ZNF536: variants seen among roughly 807,000 people sequenced by gnomAD.
ZNF536 encodes zinc finger protein 536.
ZNF536 carries 13 observed loss-of-function variants against 84.5 expected under a neutral mutation model. The ratio of observed to expected loss-of-function variants is 0.15; its 90% CI spans 0.10 to 0.24. The LOEUF is 0.24. Ranked by LOEUF, ZNF536 falls within the 10% of genes least tolerant of loss-of-function variation. The pLI, the probability that ZNF536 is intolerant of heterozygous loss-of-function variation, is 1.00. For missense variants in ZNF536, 1,536 were observed against 1,747.5 expected (o/e 0.88, Z 2.16); for synonymous variants, 811 against 742.5 (o/e 1.09, Z -1.50).
chr19:30,641,457 T>G (rs189177165), intron 1 of ZNF536, among the ~76,000 whole-genome samples: 1 of 152,212 alleles, frequency 6.6e-6, no homozygotes, highest in African/African-American at 2.4e-5. Context: ...AGTATGAAAT[T>G]TTTTCTCATG....
chr19:30,543,937 C>T (rs1385004987), intron 3 of ZNF536, among the ~76,000 whole-genome samples: 2 of 152,286 alleles, frequency 1.3e-5, no homozygotes, highest in South Asian at 4.1e-4. Flanking sequence ...ATGCCCTGGC[C>T]GGGGCTCACT....
intron 1 of ZNF536, among the ~76,000 whole-genome samples, chr19:30,413,190 G>A (rs914096493): frequency 2.0e-5 from 3 of 152,168 alleles, no homozygotes; most frequent in Non-Finnish European, 4.4e-5. Flanking sequence ...CCTTTTGGGG[G>A]AAAGGGTGTG....
At chr19:30,615,639 C>T (rs1446710213) in intron 1 of ZNF536, among the ~76,000 whole-genome samples, 3 of 151,574 alleles carry the variant, frequency 2.0e-5, no homozygotes. Context: ...ATTATATTCC[C>T]CAGAAAATGC....
At chr19:30,709,471 A>T (rs890536790) in intron 1 of ZNF536, among the ~76,000 whole-genome samples, 1 of 152,128 alleles carries the variant, frequency 6.6e-6, no homozygotes, top group Non-Finnish European at 1.5e-5. Context: ...GCTCAACAAT[A>T]AAGAGTCAAC....
rs1371122429 is a variant in ZNF536 at position 30,301,940 on chromosome 19, T to C, written c.-120+17799T>C. On this transcript the variant is annotated intron_variant, in intron 2 of 5. Coordinates refer to the ZNF536 transcript ENST00000585628. The stretch of plus-strand genomic sequence containing the variant: ...TAGAATCTGCCCCACCTCTGCACAC[T>C]GAGGAGGGAGGTGTGTAGAGGCCTC... Among the ~76,000 whole-genome samples the C allele has an allele frequency of 1.3e-5, 2 of 151,966 alleles. 1 individual carries two copies. The highest frequency in any genetic ancestry group is 4.2e-4 in the South Asian group (2 of 4,800).
chr19:30,471,007 G>GTCCTT (rs1568463814), intron 2 of ZNF536, among the ~76,000 whole-genome samples: 1 of 144,628 alleles, frequency 6.9e-6, no homozygotes, highest in African/African-American at 2.6e-5. Flanking sequence ...TTTTTTTAGA[G>GTCCTT]ATTGGGTCTC....
At chr19:30,383,388 G>C (rs561741368) in intron 1 of ZNF536, among the ~76,000 whole-genome samples, 9 of 152,292 alleles carry the variant, frequency 5.9e-5, no homozygotes, top group African/African-American at 2.2e-4. Flanking sequence ...CCTTGCTAAG[G>C]TCTGGGGTCT....
chr19:30,290,135 T>A (rs1737061545), intron 2 of ZNF536, among the ~76,000 whole-genome samples: 1 of 152,244 alleles, frequency 6.6e-6, no homozygotes, highest in African/African-American at 2.4e-5. Flanking sequence ...ATTTAACATT[T>A]TATGACTGGC....
intron 2 of ZNF536, among the ~76,000 whole-genome samples, chr19:30,481,046 G>C (rs138047913): frequency 6.6e-6 from 1 of 151,368 alleles, no homozygotes; most frequent in Non-Finnish European, 1.5e-5. Context: ...AAAAAAAAAG[G>C]GTGGGTTGGG....
intron 2 of ZNF536, among the ~76,000 whole-genome samples, chr19:30,491,413 T>A (rs2054504321): frequency 6.6e-6 from 1 of 152,146 alleles, no homozygotes; most frequent in Non-Finnish European, 1.5e-5. Flanking sequence ...GTGTGTGTTG[T>A]GGGGAGTTCC....
intron 2 of ZNF536, among the ~76,000 whole-genome samples, chr19:30,316,324 G>T (rs7256185): frequency 2.9e-4 from 44 of 152,348 alleles, no homozygotes; most frequent in African/African-American, 5.8e-4. Flanking sequence ...CCAGTATGAA[G>T]GAGGAAGGCT....
rs2146199599 is a variant in ZNF536, at chr19:30,548,395, G to T, written c.2776G>T (p.Val926Phe). 1 of 1,614,190 alleles carries T rather than the reference G, an allele frequency of 6.2e-7. No homozygotes were observed. The highest frequency in any genetic ancestry group is 1.6e-4 in the Middle Eastern group (1 of 6,062). ...CTTGCAAGCTTTCATGGACAGTTTT[G>T]TCCTCAGTTCCTTGAAGAAGGAGAA... Reference protein sequence around the residue: ...GSLQAFMDSFVLSSLKKEKDM... With the variant: ...GSLQAFMDSFFLSSLKKEKDM... The change falls in exon 4 of 5, where the codon GTC becomes TTC. Residue 926 changes from valine (V) to phenylalanine (F), a missense_variant. Around this residue, in one of 8 missense-constraint regions of ZNF536, gnomAD observed 624 missense variants for 603.1 expected, o/e 1.03. Coordinates refer to ENST00000355537, the MANE Select transcript of ZNF536 (RefSeq NM_014717.3).
Position 30,301,276 on chromosome 19 carries a change from G to T in ZNF536, c.-120+17135G>T, listed in dbSNP as rs1306131426. Reference sequence around the variant, plus strand: ...TTAAACAGAAATAACCTCTTCACATGATAATTTTATGTCTGAGGAAATAGG... The same window carrying T: ...TTAAACAGAAATAACCTCTTCACATTATAATTTTATGTCTGAGGAAATAGG... On this transcript the variant is annotated intron_variant, in intron 2 of 5. Transcript: ENST00000585628. Among the ~76,000 whole-genome samples the T allele has an allele frequency of 2.0e-5, 3 of 152,278 alleles. No individual in the cohort carries two copies. In the South Asian group the frequency reaches 6.2e-4, roughly 32 times the overall value.
chr19:30,677,161 A>G (rs1436782623), intron 1 of ZNF536, among the ~76,000 whole-genome samples: 1 of 152,204 alleles, frequency 6.6e-6, no homozygotes, highest in East Asian at 1.9e-4. Context: ...GGCTGCCGCA[A>G]TCTCCCTGGG....
intron 2 of ZNF536, among the ~76,000 whole-genome samples, chr19:30,490,174 C>A (rs1286032187): frequency 6.6e-6 from 1 of 151,736 alleles, no homozygotes; most frequent in South Asian, 2.1e-4. Flanking sequence ...TTTTTTTAAC[C>A]AAGTTGACCA....
intron 1 of ZNF536, among the ~76,000 whole-genome samples, chr19:30,375,507 C>T (rs916820518): frequency 6.6e-6 from 1 of 152,194 alleles, no homozygotes; most frequent in Admixed American, 6.5e-5. Context: ...CACCCTACAC[C>T]CTCCTTGCGC....
intron 1 of ZNF536, among the ~76,000 whole-genome samples, chr19:30,621,492 T>A (rs1055882395): frequency 1.3e-5 from 2 of 152,158 alleles, no homozygotes; most frequent in Non-Finnish European, 2.9e-5. Context: ...TCCAGACTCA[T>A]CAAACAGTCC....
chr19:30,415,480 G>T (rs1196880367), intron 1 of ZNF536, among the ~76,000 whole-genome samples: 1 of 150,366 alleles, frequency 6.7e-6, no homozygotes, highest in Non-Finnish European at 1.5e-5. Context: ...GACAGTGTGT[G>T]AATTCTTTTT....
At chr19:30,637,332 G>T (rs181160164) in intron 1 of ZNF536, among the ~76,000 whole-genome samples, 2 of 152,348 alleles carry the variant, frequency 1.3e-5, no homozygotes, top group Admixed American at 6.5e-5. Context: ...ACATGGAACA[G>T]GTTCTCTTTG....
Sources: allele counts gnomAD v4.1 joint callset (sites outside exome capture counted in the v4.1 genomes callset), GRCh38; gene constraint gnomAD v4.1.1; regional missense constraint gnomAD v4.1.1; transcripts MANE v1.5; gene names NCBI Gene and HGNC (gene_info 2026-07-23, HGNC 2026-07-21).